DCHS1: variants seen among roughly 807,000 people sequenced by gnomAD.
DCHS1 encodes the protein dachsous cadherin-related 1.
In DCHS1, 78 loss-of-function variants were observed where a neutral mutation model predicts 213.9. That is an observed-to-expected ratio of 0.36 (90% CI 0.30 to 0.44). The LOEUF (loss-of-function observed/expected upper bound fraction) is 0.44, where lower values mean the gene tolerates loss of function less well. Ranked by LOEUF, DCHS1 falls within the 20% of genes least tolerant of loss-of-function variation. The pLI, the probability that DCHS1 is intolerant of heterozygous loss-of-function variation, is 1.00. For synonymous variants in DCHS1, 1,828 were observed against 1,873.7 expected, an observed-to-expected ratio of 0.98 and a Z score of 0.63; for missense variants, 3,946 against 4,395.9, an observed-to-expected ratio of 0.90 and a Z score of 2.89.
At chr11:6,647,361 G>A (rs1742257509) in intron 1 of DCHS1, among the ~76,000 whole-genome samples, 1 of 151,372 alleles carries the variant, frequency 6.6e-6, no homozygotes, top group Admixed American at 6.6e-5. Flanking sequence ...GAAGGAGGAG[G>A]GGGCTCAGGA....
rs537187492 is a variant in DCHS1 at position 6,622,225 on chromosome 11, C to T, written c.9451G>A (p.Val3151Met). The T allele has an allele frequency of 1.9e-6, 3 of 1,601,250 alleles. No individual in the cohort carries two copies. Among genetic ancestry groups the T allele is most frequent in the East Asian group, 2.2e-5 (1 of 44,484 alleles). The change falls in exon 21 of 21, where the codon GTG becomes ATG. Residue 3151 changes from valine (V) to methionine (M), a missense_variant. Val to Met is a conservative substitution (Grantham distance 21). This residue lies in a region of DCHS1 where 554 missense variants were observed against 590.2 expected (regional missense o/e 0.94). Transcript: ENST00000299441. This position sits in a 1 kb window ranked among gnomAD's most constrained non-coding sequence, Gnocchi z 5.4. ...CCACGGAGCTCCTCCTCGCCGGCCACAATGGCTGTCAGCGCACCTGCCACA... is the reference window on the plus strand; with the variant it reads ...CCACGGAGCTCCTCCTCGCCGGCCATAATGGCTGTCAGCGCACCTGCCACA... ...PCVAGALTAI[V>M]AGEEELRGSY...
chr11:6,637,467 C>T (rs930839708), intron 2 of DCHS1, among the ~76,000 whole-genome samples: 10 of 152,106 alleles, frequency 6.6e-5, no homozygotes, highest in Non-Finnish European at 1.3e-4. Context: ...GATAATATTG[C>T]TATAGAAAAA....
chr11:6,648,064 G>A (rs1359709896), intron 1 of DCHS1, among the ~76,000 whole-genome samples: 3 of 152,244 alleles, frequency 2.0e-5, no homozygotes, highest in African/African-American at 4.8e-5. Flanking sequence ...TTTGGACACT[G>A]CAGAGGAAAA....
intron 1 of DCHS1, among the ~76,000 whole-genome samples, chr11:6,652,080 G>A (rs1262241093): frequency 6.6e-6 from 1 of 152,102 alleles, no homozygotes; most frequent in Non-Finnish European, 1.5e-5. Context: ...ACATTCAGGG[G>A]GCATACAAAG....
At chr11:6,643,381 C>T (rs575036171) in intron 1 of DCHS1, among the ~76,000 whole-genome samples, 1 of 152,282 alleles carries the variant, frequency 6.6e-6, no homozygotes, top group East Asian at 1.9e-4. Context: ...TGTGACATTG[C>T]TTTCACTAAG....
At position 6,623,275 on chromosome 11, in the gene DCHS1, C is replaced by T. The variant is rs1366658900; in HGVS notation, c.8401G>A (p.Val2801Met). ...TACTCATCCTCTCCAGTCACTAGCA[C>T]CGACACAGTGACAGAGGCTGAGAGA... ...GNLSASVTVS[V>M]LVTGEDEYDP... The change falls in exon 21 of 21, where the codon GTG becomes ATG. Residue 2801 changes from valine to methionine, a missense_variant. Physicochemically the swap from Val to Met is conservative, Grantham distance 21. Around this residue, in one of 3 missense-constraint regions of DCHS1, gnomAD observed 3,384 missense variants for 3,780.1 expected, o/e 0.90. Transcript: ENST00000299441. 6.3e-7 allele frequency: 1 copy of T among 1,589,414 alleles called. No homozygotes were observed. Among genetic ancestry groups the T allele is most frequent in the Non-Finnish European group, 8.6e-7 (1 of 1,167,808 alleles).
chr11:6,626,276 G>A lies in DCHS1; in HGVS notation c.6469C>T (p.Leu2157=), dbSNP rs759994664. Residue 2157 remains leucine (L), a synonymous_variant, in exon 16 of 21, where the codon CTG becomes TTG. Transcript: ENST00000299441. This position sits in a 1 kb window ranked among gnomAD's most constrained non-coding sequence, Gnocchi z 5.2. ...TTGGCATCTTGCAGGGTCAGGGTCA[G>A]CACAGTGAAGGCAAAGGCTCCTCCA... The part of the protein sequence containing the change: ...ESGGAFAFTV[L]TLTLQDANDN... 3 of 1,613,044 alleles carry A rather than the reference G, an allele frequency of 1.9e-6. No individual in the cohort carries two copies. Among genetic ancestry groups the A allele is most frequent in the Middle Eastern group, 1.6e-4 (1 of 6,082 alleles).
At chr11:6,631,888 T>C in intron 6 of DCHS1, 79 bp from the exon 7 acceptor site, 2 of 1,459,572 alleles carry the variant, frequency 1.4e-6, no homozygotes, top group South Asian at 1.5e-5. Context: ...AAGCTGGTGT[T>C]TGGGGAGTGG....
At chr11:6,644,303 A>G (rs1440680329) in intron 1 of DCHS1, among the ~76,000 whole-genome samples, 1 of 152,210 alleles carries the variant, frequency 6.6e-6, no homozygotes, top group African/African-American at 2.4e-5. Flanking sequence ...TAAAGTCCTT[A>G]ACATGTCTTC....
intron 5 of DCHS1, 49 bp from the exon 6 acceptor site, chr11:6,633,105 T>C: frequency 6.4e-7 from 1 of 1,554,392 alleles, no homozygotes. Context: ...GGGCACTTAT[T>C]GAGTCAGGAC....
At position 6,641,350 on chromosome 11, in the gene DCHS1, C is replaced by T. The variant is rs1480496361; in HGVS notation, c.264G>A (p.Val88=). 3 of 1,613,458 alleles carry T rather than the reference C, an allele frequency of 1.9e-6. No individual in the cohort carries two copies. Among genetic ancestry groups the T allele is most frequent in the Admixed American group, 3.3e-5 (2 of 60,012 alleles). The change falls in exon 2 of 21, where the codon GTG becomes GTA. Residue 88 remains valine, a synonymous_variant. Transcript: ENST00000299441. This position sits in a 1 kb window ranked among gnomAD's most constrained non-coding sequence, Gnocchi z 7.1. ...GTTCGTCAATGGCCAGGTCTGTGCC[C>T]ACGCCGCTGCCCTCTTGGGCAGAGA... ...YFISAQEGSG[V]GTDLAIDEHS...
chr11:6,645,854 C>T (rs1158929697), intron 1 of DCHS1, among the ~76,000 whole-genome samples: 1 of 152,196 alleles, frequency 6.6e-6, no homozygotes, highest in Non-Finnish European at 1.5e-5. Context: ...CCCATGCAGG[C>T]AGATGCACAT....
Position 6,626,905 on chromosome 11 carries a change from CGGCCAAGATCAGT to C in DCHS1, c.6121_6133del (p.Thr2041ValfsTer9). On this transcript the variant is annotated frameshift_variant, in exon 14 of 21. Transcript: ENST00000299441. LOFTEE classifies it high-confidence loss of function. The surrounding 1 kb of genome is among the most constrained non-coding windows in gnomAD (Gnocchi z 5.2). ...CACACCAGTGGCAGAGCGAGCTGGA[CGGCCAAGATCAGT>C]GGCCACAATGAAGAGGACACGATCT... 6.2e-7 allele frequency: 1 copy of C among 1,613,592 alleles called. No homozygotes were observed. The highest frequency in any genetic ancestry group is 8.5e-7 in the Non-Finnish European group (1 of 1,179,890).
chr11:6,637,250 A>G (rs1304251516), intron 2 of DCHS1, among the ~76,000 whole-genome samples: 3 of 152,178 alleles, frequency 2.0e-5, no homozygotes, highest in Admixed American at 1.3e-4. Flanking sequence ...TTTGGACCAG[A>G]TAATGCTTTA....
In DCHS1 at chr11:6,628,069, G is replaced by C. The variant is rs1056293800; in HGVS notation, c.5372-402C>G. 2.0e-5 allele frequency among the ~76,000 whole-genome samples: 3 copies of C among 152,210 alleles called. No homozygotes were observed. Among genetic ancestry groups the C allele is most frequent in the Non-Finnish European group, 4.4e-5 (3 of 68,040 alleles). ...TAGAATATTCTAGACAGAAAGTTTA[G>C]AGCATGAATCTGTGTGTCTTCAGAG... is the stretch of plus-strand genomic sequence containing the variant. On this transcript the variant is annotated intron_variant, in intron 13 of 20. Transcript: ENST00000299441. The surrounding 1 kb of genome is among the most constrained non-coding windows in gnomAD (Gnocchi z 4.3).
In DCHS1 at chr11:6,622,266, G is replaced by C. The variant is rs765265323; in HGVS notation, c.9410C>G (p.Ala3137Gly). Reference protein sequence around the residue: ...PAPTGDYGFPADGKPCVAGAL... With the variant: ...PAPTGDYGFPGDGKPCVAGAL... ...ACCTGCCACACATGGCTTGCCATCTGCTGGGAAGCCATAGTCCCCAGTGGG... is the reference window on the plus strand; with the variant it reads ...ACCTGCCACACATGGCTTGCCATCTCCTGGGAAGCCATAGTCCCCAGTGGG... The change falls in exon 21 of 21, where the codon GCA (alanine) becomes GGA (glycine). Residue 3137 changes from alanine to glycine, a missense_variant. Around this residue, in one of 3 missense-constraint regions of DCHS1, gnomAD observed 554 missense variants for 590.2 expected, o/e 0.94. Coordinates refer to ENST00000299441, the MANE Select transcript of DCHS1 (RefSeq NM_003737.4). This position sits in a 1 kb window ranked among gnomAD's most constrained non-coding sequence, Gnocchi z 5.4. The C allele has an allele frequency of 6.2e-7, 1 of 1,605,248 alleles. No homozygotes were observed. Among genetic ancestry groups the C allele is most frequent in the South Asian group, 1.1e-5 (1 of 90,064 alleles).
chr11:6,636,397 A>G (rs1254326235), intron 2 of DCHS1, among the ~76,000 whole-genome samples: 4 of 151,742 alleles, frequency 2.6e-5, no homozygotes, highest in Non-Finnish European at 5.9e-5. Flanking sequence ...TTTTGCATAG[A>G]CAGTGTTTCA....
chr11:6,647,244 CTG>C (rs1240536429), intron 1 of DCHS1, among the ~76,000 whole-genome samples: 1 of 152,108 alleles, frequency 6.6e-6, no homozygotes, highest in East Asian at 1.9e-4. Flanking sequence ...GGGAGAGTGA[CTG>C]TGTATGGCAG....
intron 1 of DCHS1, among the ~76,000 whole-genome samples, chr11:6,645,893 T>C (rs2134652657): frequency 6.6e-6 from 1 of 152,218 alleles, no homozygotes; most frequent in South Asian, 2.1e-4. Flanking sequence ...CACATGCTCA[T>C]ACACACGTGC....
Sources: gnomAD v4.1 joint callset for allele counts (sites outside exome capture counted in the v4.1 genomes callset) on GRCh38, gnomAD v4.1.1 for gene constraint, gnomAD v4.1.1 regional missense constraint, Gnocchi (gnomAD v3.1) non-coding constraint, MANE v1.5 for transcripts, NCBI Gene and HGNC (gene_info 2026-07-23, HGNC 2026-07-21) for gene names.